EIF3CL: variants seen among roughly 807,000 people sequenced by gnomAD.
EIF3CL encodes eukaryotic translation initiation factor 3 subunit C-like protein.
For synonymous variants in EIF3CL, 2 were observed against 19.6 expected, an observed-to-expected ratio of 0.10 and a Z score of 2.37; for missense variants, 5 against 56.1, an observed-to-expected ratio of 0.09 and a Z score of 2.91.
the EIF3CL span, among the ~76,000 whole-genome samples, chr16:28,410,873 T>C: frequency 1.7e-5 from 2 of 115,944 alleles, 1 homozygote; most frequent in Non-Finnish European, 3.7e-5. Flanking sequence ...AAGCATGGGA[T>C]TACAAGCATG....
chr16:28,414,173 G>C, the EIF3CL span: 14 of 514,030 alleles, frequency 2.7e-5, 2 homozygotes, highest in South Asian at 2.0e-4. Context: ...GATGCGGGGC[G>C]ATCACTTGAG....
the EIF3CL span, among the ~76,000 whole-genome samples, chr16:28,422,161 ATAT>A: frequency 2.3e-5 from 2 of 87,904 alleles, no homozygotes; most frequent in East Asian, 6.6e-4. Context: ...TTATTAAGAG[ATAT>A]TATCAAAACT....
intron 8 of EIF3CL, among the ~76,000 whole-genome samples, chr16:28,392,605 AAAAAC>A (rs1175634426): frequency 1.7e-5 from 2 of 115,636 alleles, no homozygotes; most frequent in East Asian, 2.7e-4. Context: ...CAGTCTCCAA[AAAAAC>A]AAAACAAAAC....
chr16:28,417,475 A>G, the EIF3CL span, among the ~76,000 whole-genome samples: 3 of 124,646 alleles, frequency 2.4e-5, no homozygotes, highest in Non-Finnish European at 5.2e-5. Context: ...TGCACTAAGA[A>G]AAATTCCTCT....
chr16:28,403,051 C>A (rs2045666285), intron 2 of EIF3CL, among the ~76,000 whole-genome samples: 1 of 142,258 alleles, frequency 7.0e-6, no homozygotes, highest in African/African-American at 2.5e-5. Context: ...ACAGAAATGG[C>A]GGATGGGTAT....
rs1451561569 is a variant in EIF3CL at position 28,385,413 on chromosome 16, C to T, written c.1822-1932G>A. 3.3e-5 allele frequency among the ~76,000 whole-genome samples: 4 copies of T among 121,174 alleles called. 1 individual carries two copies. The highest frequency in any genetic ancestry group is 7.4e-5 in the Non-Finnish European group (4 of 54,204). The allele number at this position is 121,174 out of a possible 152,430, so 79.5% of individuals were successfully genotyped here. A position where few individuals can be genotyped will look rare whatever the true frequency, so the allele number is the denominator to read the frequency against. On this transcript the variant is annotated intron_variant, in intron 15 of 20. Coordinates refer to ENST00000380876, the MANE Select transcript of EIF3CL (RefSeq NM_001317857.2). ...AGTGGCGTGATCGTGGCTCCTGCAG[C>T]CTCGACCTCCTGAGCTCAAGCAATC...
intron 15 of EIF3CL, among the ~76,000 whole-genome samples, chr16:28,387,696 A>G (rs2045615576): frequency 6.7e-6 from 1 of 148,302 alleles, no homozygotes; most frequent in Non-Finnish European, 1.5e-5. Flanking sequence ...CAGGTGCTCT[A>G]CACATAAACA....
chr16:28,415,475 T>G, the EIF3CL span, among the ~76,000 whole-genome samples: 4 of 142,300 alleles, frequency 2.8e-5, 1 homozygote, highest in Non-Finnish European at 6.1e-5. Context: ...AGAGGCTGGA[T>G]GAGGTGGCTC....
the EIF3CL span, chr16:28,414,923 C>T: frequency 8.0e-5 from 41 of 515,360 alleles, 2 homozygotes; most frequent in South Asian, 5.5e-4. Flanking sequence ...GGGTCCCCAA[C>T]TCTGAGGTCA....
the EIF3CL span, among the ~76,000 whole-genome samples, chr16:28,416,727 C>G: frequency 9.4e-5 from 11 of 117,612 alleles, no homozygotes; most frequent in East Asian, 2.8e-4. Flanking sequence ...CGTCTCCGCC[C>G]GGCAGCCACC....
intron 2 of EIF3CL, among the ~76,000 whole-genome samples, chr16:28,402,328 C>T (rs2045660571): frequency 7.0e-6 from 1 of 142,736 alleles, no homozygotes; most frequent in Non-Finnish European, 1.5e-5. Context: ...TTGCTTTTAT[C>T]GCCCAGGCTG....
chr16:28,415,871 C>T, the EIF3CL span, among the ~76,000 whole-genome samples: 3 of 109,634 alleles, frequency 2.7e-5, 1 homozygote, highest in African/African-American at 6.8e-5. Flanking sequence ...TCTCCATCTC[C>T]GTCTCCCTCT....
chr16:28,403,088 A>T (rs1167960079), intron 2 of EIF3CL, among the ~76,000 whole-genome samples: 3 of 145,218 alleles, frequency 2.1e-5, no homozygotes, highest in Non-Finnish European at 3.1e-5. Flanking sequence ...AGGCATATAA[A>T]ATGTTTAAGC....
At chr16:28,408,204 C>CAAA (rs1224629208), upstream of EIF3CL, among the ~76,000 whole-genome samples, 68 of 47,870 alleles carry the variant, frequency 1.4e-3, 4 homozygotes, top group African/African-American at 3.8e-3. Flanking sequence ...ACCTTGTCGC[C>CAAA]AAAAAAAAAA....
chr16:28,415,329 G>A, the EIF3CL span, among the ~76,000 whole-genome samples: 2 of 91,446 alleles, frequency 2.2e-5, no homozygotes, highest in Non-Finnish European at 4.1e-5. Context: ...CCGCCAGGTA[G>A]AGGGGAGGGT....
At chr16:28,422,762 G>T in the EIF3CL span, among the ~76,000 whole-genome samples, 1 of 136,248 alleles carries the variant, frequency 7.3e-6, no homozygotes, top group South Asian at 2.2e-4. Flanking sequence ...CCTCGAACTC[G>T]GGAGGCAGAG....
chr16:28,415,560 G>A, the EIF3CL span, among the ~76,000 whole-genome samples: 2 of 133,256 alleles, frequency 1.5e-5, no homozygotes, highest in African/African-American at 5.8e-5. Flanking sequence ...GACCAGCCTG[G>A]CCAACATGGT....
the EIF3CL span, among the ~76,000 whole-genome samples, chr16:28,418,720 C>T: frequency 6.6e-6 from 1 of 151,800 alleles, no homozygotes; most frequent in Non-Finnish European, 1.5e-5. Flanking sequence ...GCCTCTGCCT[C>T]CCAGGTTCAA....
the EIF3CL span, among the ~76,000 whole-genome samples, chr16:28,419,012 A>AT: frequency 6.9e-6 from 1 of 144,788 alleles, no homozygotes. Flanking sequence ...TCTTTTTAAA[A>AT]TTTTTTTTCT....
Sources: gnomAD v4.1 joint callset for allele counts (sites outside exome capture counted in the v4.1 genomes callset) on GRCh38, gnomAD v4.1.1 for gene constraint, MANE v1.5 for transcripts, NCBI Gene and HGNC (gene_info 2026-07-23, HGNC 2026-07-21) for gene names.